REPS2: variants seen among roughly 807,000 people sequenced by gnomAD.
REPS2 encodes RALBP1 associated Eps domain containing 2, also known as ralBP1-associated Eps domain-containing protein 2.
In REPS2, 23 loss-of-function variants were observed where a neutral mutation model predicts 53.6. The observed-to-expected ratio is 0.43, with a 90% CI of 0.31 to 0.61. The LOEUF is 0.61. REPS2 is among the 20% of genes least tolerant of loss of function. The pLI, the probability that REPS2 is intolerant of heterozygous loss-of-function variation, is 0.11. For missense variants in REPS2, 446 were observed against 534.9 expected (o/e 0.83, Z 1.64); for synonymous variants, 238 against 218.6 (o/e 1.09, Z -0.78).
the REPS2 span, among the ~76,000 whole-genome samples, chrX:17,158,925 A>C: frequency 5.3e-5 from 6 of 112,271 alleles, no homozygotes; most frequent in Admixed American, 1.9e-4. Context: ...AGCCTCAGTG[A>C]GGGGAAACAA....
intron 2 of REPS2, among the ~76,000 whole-genome samples, chrX:17,013,624 CTGTGTG>C (rs10559340): frequency 0.017 from 1,695 of 100,165 alleles, 37 homozygotes; most frequent in African/African-American, 0.046. Flanking sequence ...GTAGCTGGCT[CTGTGTG>C]TGTGTGTGTG....
At chrX:17,108,397 C>T (rs2062905608) in intron 14 of REPS2, among the ~76,000 whole-genome samples, 1 of 110,360 alleles carries the variant, frequency 9.1e-6, no homozygotes, top group South Asian at 3.9e-4. Context: ...TGGTCTCGAA[C>T]TCCTGACCTC....
At chrX:17,036,738 T>TGC (rs2061770310) in intron 5 of REPS2, among the ~76,000 whole-genome samples, 1 of 111,887 alleles carries the variant, frequency 8.9e-6, no homozygotes, top group Non-Finnish European at 1.9e-5. Context: ...ACTGTGTGTG[T>TGC]GCGTTGATCT....
chrX:17,141,417 A>AC (rs1456119254), intron 17 of REPS2, among the ~76,000 whole-genome samples: 1 of 112,292 alleles, frequency 8.9e-6, no homozygotes, highest in African/African-American at 3.2e-5. Context: ...TGAATATGTT[A>AC]CAGTTTGGTT....
At chrX:17,156,146 A>G (rs1023238613), downstream of REPS2, among the ~76,000 whole-genome samples, 5 of 111,824 alleles carry the variant, frequency 4.5e-5, no homozygotes, top group African/African-American at 1.6e-4. Context: ...AAGTGTGAAC[A>G]AAAGTATTTC....
chrX:17,088,375 T>C (rs2062569875), intron 13 of REPS2, among the ~76,000 whole-genome samples: 1 of 111,192 alleles, frequency 9.0e-6, no homozygotes, highest in Non-Finnish European at 1.9e-5. Context: ...AGTCTGCCCA[T>C]GTCTCCATCC....
At chrX:17,183,722 G>GGAGAT in the REPS2 span, among the ~76,000 whole-genome samples, 1 of 112,124 alleles carries the variant, frequency 8.9e-6, no homozygotes, top group Non-Finnish European at 1.9e-5. Context: ...TCTAAAAGAT[G>GGAGAT]GAGATGAGAT....
intron 9 of REPS2, among the ~76,000 whole-genome samples, chrX:17,062,867 A>T (rs1008841230): frequency 3.6e-5 from 4 of 112,347 alleles, no homozygotes; most frequent in Admixed American, 2.8e-4. Context: ...ACCAAGCTTT[A>T]ATTCCCTAGT....
At chrX:16,960,473 T>A (rs2060646557) in intron 1 of REPS2, among the ~76,000 whole-genome samples, 1 of 112,267 alleles carries the variant, frequency 8.9e-6, no homozygotes, top group Non-Finnish European at 1.9e-5. Flanking sequence ...ACAAAATAAG[T>A]TTAAAAGGGA....
chrX:17,107,853 G>T (rs1245412320), intron 14 of REPS2, among the ~76,000 whole-genome samples: 1 of 111,890 alleles, frequency 8.9e-6, no homozygotes, highest in Non-Finnish European at 1.9e-5. Context: ...CTTATTTATA[G>T]CATAAATAAC....
At chrX:16,985,979 A>T (rs181761054) in intron 1 of REPS2, among the ~76,000 whole-genome samples, 18 of 112,034 alleles carry the variant, frequency 1.6e-4, no homozygotes, top group East Asian at 2.8e-4. Context: ...GATCATTATA[A>T]ATGCATGACT....
chrX:17,096,935 C>G (rs1164152106), intron 13 of REPS2, among the ~76,000 whole-genome samples: 1 of 111,222 alleles, frequency 9.0e-6, no homozygotes, highest in African/African-American at 3.3e-5. Context: ...GGTAGAAATA[C>G]AACATTTAAA....
intron 3 of REPS2, among the ~76,000 whole-genome samples, chrX:17,023,502 A>G (rs970078718): frequency 7.1e-5 from 8 of 111,952 alleles, no homozygotes; most frequent in Admixed American, 2.8e-4. Context: ...TATGTTGGAA[A>G]ACTAACTTCT....
chrX:17,018,545 GAA>G (rs757056713), intron 2 of REPS2, among the ~76,000 whole-genome samples: 6 of 108,212 alleles, frequency 5.5e-5, no homozygotes, highest in African/African-American at 2.0e-4. Flanking sequence ...TCATATAAGT[GAA>G]ACCACACAGT....
At chrX:17,188,726 A>G in the REPS2 span, among the ~76,000 whole-genome samples, 161 of 112,027 alleles carry the variant, frequency 1.4e-3, no homozygotes, top group South Asian at 5.2e-3. Context: ...ATTTCACCAG[A>G]GATAACTCAT....
intron 5 of REPS2, among the ~76,000 whole-genome samples, chrX:17,037,703 C>A (rs2061783826): frequency 8.9e-6 from 1 of 112,461 alleles, no homozygotes; most frequent in Non-Finnish European, 1.9e-5. Context: ...ATTTAGCCTC[C>A]CAGAGGTAGC....
the REPS2 span, among the ~76,000 whole-genome samples, chrX:17,186,748 A>C: frequency 1.8e-5 from 2 of 111,776 alleles, no homozygotes; most frequent in African/African-American, 3.3e-5. Flanking sequence ...AAAGCAGGTC[A>C]AGGTGGCCCT....
intron 13 of REPS2, among the ~76,000 whole-genome samples, chrX:17,101,817 AT>A (rs201856025): frequency 4.6e-5 from 5 of 108,228 alleles, no homozygotes; most frequent in African/African-American, 1.3e-4. Flanking sequence ...GTTGTTTCAT[AT>A]TTTTTTTTCT....
chrX:17,098,610 TTGTGTGTG>T (rs369203546), intron 13 of REPS2, among the ~76,000 whole-genome samples: 1 of 103,255 alleles, frequency 9.7e-6, no homozygotes, highest in African/African-American at 3.5e-5. Flanking sequence ...AAAAATGGTT[TTGTGTGTG>T]TGTGTGTGTG....
Sources: allele counts gnomAD v4.1 joint callset (sites outside exome capture counted in the v4.1 genomes callset), GRCh38; gene constraint gnomAD v4.1.1; transcripts MANE v1.5; gene names NCBI Gene and HGNC (gene_info 2026-07-23, HGNC 2026-07-21).